CDIN1: variants seen among roughly 807,000 people sequenced by gnomAD.
The protein encoded by CDIN1 is CDAN1-interacting nuclease 1.
A neutral mutation model predicts 45.3 loss-of-function variants in CDIN1; 33 were observed. The ratio of observed to expected loss-of-function variants is 0.73; its 90% CI spans 0.55 to 0.97. The LOEUF is 0.97. Ranked by LOEUF, CDIN1 falls within the 50% of genes least tolerant of loss-of-function variation. The pLI is 0.00. For synonymous variants in CDIN1, 118 were observed against 124.4 expected (o/e 0.95, Z 0.34); for missense variants, 303 against 339.4 (o/e 0.89, Z 0.84).
At chr15:36,734,378 C>T (rs758173853) in intron 10 of CDIN1, 4 of 427,944 alleles carry the variant, frequency 9.3e-6, no homozygotes, top group African/African-American at 4.2e-5. Context: ...TATTCCTTCC[C>T]TAGTTACTTT....
intron 10 of CDIN1, among the ~76,000 whole-genome samples, chr15:36,784,706 C>G (rs1434884555): frequency 2.0e-5 from 3 of 152,006 alleles, no homozygotes; most frequent in Admixed American, 6.6e-5. Flanking sequence ...GTTATCCAAT[C>G]TTATCTCTTT....
At chr15:36,769,503 A>G (rs902659245) in intron 10 of CDIN1, among the ~76,000 whole-genome samples, 3 of 152,214 alleles carry the variant, frequency 2.0e-5, no homozygotes, top group African/African-American at 7.2e-5. Flanking sequence ...TACAGAGGGT[A>G]CTTTGCTTTA....
chr15:36,761,615 T>C (rs1373016342), intron 10 of CDIN1, among the ~76,000 whole-genome samples: 1 of 152,202 alleles, frequency 6.6e-6, no homozygotes, highest in Non-Finnish European at 1.5e-5. Flanking sequence ...GAACTGACAC[T>C]GGAAGAAGCT....
chr15:36,717,587 T>A (rs1211832097), intron 10 of CDIN1, among the ~76,000 whole-genome samples: 1 of 152,144 alleles, frequency 6.6e-6, no homozygotes, highest in African/African-American at 2.4e-5. Context: ...ATTGGGCTTA[T>A]TTTTAGTTCT....
Position 36,771,411 on chromosome 15 carries a change from G to T in CDIN1, c.717-36913G>T, listed in dbSNP as rs866744922. On this transcript the variant is annotated intron_variant, in intron 10 of 10. Coordinates refer to ENST00000566621, the MANE Select transcript of CDIN1 (RefSeq NM_001321759.2). ...AGTAATAATAATAATACATACACAG[G>T]CACACTGATAGCTGGTCCTACCCTT... Among the ~76,000 whole-genome samples the T allele has an allele frequency of 2.6e-5, 4 of 152,132 alleles. 1 individual carries two copies. The South Asian group carries it at 8.3e-4, about 32-fold the overall frequency.
At chr15:36,593,361 T>C (rs2037672476) in intron 1 of CDIN1, among the ~76,000 whole-genome samples, 1 of 152,204 alleles carries the variant, frequency 6.6e-6, no homozygotes, top group South Asian at 2.1e-4. Context: ...TGAAAGATAC[T>C]TGAGTGAGTA....
chr15:36,800,901 G>GTATATA (rs1566984259), intron 10 of CDIN1, among the ~76,000 whole-genome samples: 22 of 22,346 alleles, frequency 9.8e-4, no homozygotes, highest in Non-Finnish European at 1.2e-3. Context: ...GTGTGTGTGT[G>GTATATA]TGTGTGTGTA....
intron 1 of CDIN1, chr15:36,614,302 C>A: frequency 1.7e-6 from 1 of 577,800 alleles, no homozygotes; most frequent in Admixed American, 1.9e-5. Flanking sequence ...CGATCTTTAA[C>A]TGGAAGGCTG....
intron 1 of CDIN1, among the ~76,000 whole-genome samples, chr15:36,586,473 G>A (rs1336791277): frequency 6.6e-6 from 1 of 152,216 alleles, no homozygotes; most frequent in Non-Finnish European, 1.5e-5. Flanking sequence ...ATTAGCCCAC[G>A]ATTTTCATTG....
intron 10 of CDIN1, among the ~76,000 whole-genome samples, chr15:36,719,093 A>G (rs931903339): frequency 6.6e-6 from 1 of 151,754 alleles, no homozygotes; most frequent in Admixed American, 6.6e-5. Flanking sequence ...ATGGTGGCAC[A>G]CACTTGTAGT....
At chr15:36,768,113 G>A (rs928047238) in intron 10 of CDIN1, among the ~76,000 whole-genome samples, 7 of 152,080 alleles carry the variant, frequency 4.6e-5, no homozygotes, top group African/African-American at 7.2e-5. Flanking sequence ...TAGATTTCAC[G>A]GACAGCCAGA....
At chr15:36,746,896 C>T (rs1485455099) in intron 10 of CDIN1, 6 of 395,376 alleles carry the variant, frequency 1.5e-5, no homozygotes, top group Non-Finnish European at 2.7e-5. Flanking sequence ...ACTGCAGGTG[C>T]ATGCCACCAT....
chr15:36,761,859 G>A (rs958116674), intron 10 of CDIN1, among the ~76,000 whole-genome samples: 1 of 152,042 alleles, frequency 6.6e-6, no homozygotes, highest in East Asian at 1.9e-4. Context: ...ATTTTCATTT[G>A]GAAAGGGAAA....
chr15:36,797,816 CT>C (rs2054858685), intron 10 of CDIN1, among the ~76,000 whole-genome samples: 1 of 151,738 alleles, frequency 6.6e-6, no homozygotes, highest in South Asian at 2.1e-4. Context: ...CCCGTCTCTA[CT>C]AAAAATACAA....
chr15:36,590,502 C>T (rs559443837), intron 1 of CDIN1, among the ~76,000 whole-genome samples: 1 of 152,286 alleles, frequency 6.6e-6, no homozygotes, highest in South Asian at 2.1e-4. Flanking sequence ...CCTGACCAAA[C>T]ACCGGCCCCT....
intron 1 of CDIN1, among the ~76,000 whole-genome samples, chr15:36,596,994 C>G (rs377634323): frequency 6.6e-6 from 1 of 152,102 alleles, no homozygotes; most frequent in East Asian, 1.9e-4. Context: ...AATACCTTTC[C>G]TTGTTAGCAT....
intron 3 of CDIN1, among the ~76,000 whole-genome samples, chr15:36,651,145 A>G (rs2040560825): frequency 6.6e-6 from 1 of 152,042 alleles, no homozygotes; most frequent in African/African-American, 2.4e-5. Flanking sequence ...AGACACATGA[A>G]TTCTCCTGGG....
chr15:36,765,308 G>A (rs924927457), intron 10 of CDIN1, among the ~76,000 whole-genome samples: 4 of 151,780 alleles, frequency 2.6e-5, no homozygotes, highest in Admixed American at 6.6e-5. Flanking sequence ...CACCCACCTC[G>A]GCCTCCCAAA....
At position 36,680,412 on chromosome 15, in the gene CDIN1, A is replaced by G. The variant is rs565375622; in HGVS notation, c.347-11273A>G. Among the ~76,000 whole-genome samples, 145 of 152,332 alleles carry G rather than the reference A, an allele frequency of 9.5e-4. 1 individual carries two copies. The highest frequency in any genetic ancestry group is 3.5e-3 in the African/African-American group (144 of 41,588). On this transcript the variant is annotated intron_variant, in intron 5 of 10. Coordinates refer to ENST00000566621, the MANE Select transcript of CDIN1 (RefSeq NM_001321759.2). ...TACTAAAGGGCCTTCAAAAATTTCA[A>G]CAACACGGCAGAGTGAGCTTTTGTT...
Sources: gnomAD v4.1 joint callset for allele counts (sites outside exome capture counted in the v4.1 genomes callset) on GRCh38, gnomAD v4.1.1 for gene constraint, MANE v1.5 for transcripts, NCBI Gene and HGNC (gene_info 2026-07-23, HGNC 2026-07-21) for gene names.